ITSN2: variants seen among roughly 807,000 people sequenced by gnomAD.
The protein encoded by ITSN2 is intersectin-2.
In ITSN2, 156 loss-of-function variants were observed where a neutral mutation model predicts 243.7. The ratio of observed to expected loss-of-function variants is 0.64; its 90% CI spans 0.56 to 0.73. The LOEUF is 0.73. Ranked by LOEUF, ITSN2 falls within the 30% of genes least tolerant of loss-of-function variation. ITSN2 has a pLI of 0.00. For missense variants in ITSN2, 1,801 were observed against 1,996.1 expected (o/e 0.90, Z 1.86); for synonymous variants, 703 against 699.9 (o/e 1.00, Z -0.07).
intron 29 of ITSN2, among the ~76,000 whole-genome samples, chr2:24,232,490 C>T (rs1257144052): frequency 2.0e-5 from 3 of 152,190 alleles, no homozygotes; most frequent in Admixed American, 2.0e-4. Context: ...TACCTTCTAA[C>T]CTGCCAGACT....
At chr2:24,220,895 C>A (rs1462590849) in intron 30 of ITSN2, 50 bp downstream of exon 30, 12 of 1,546,812 alleles carry the variant, frequency 7.8e-6, no homozygotes, top group Non-Finnish European at 1.0e-5. Context: ...CACCATCTCT[C>A]ATGAGAGACA....
chr2:24,267,717 G>A lies in ITSN2; in HGVS notation c.2355+2954C>T, dbSNP rs563668706. Among the ~76,000 whole-genome samples the A allele has an allele frequency of 4.6e-5, 7 of 152,202 alleles. No individual in the cohort carries two copies. In the East Asian group the frequency reaches 7.7e-4, roughly 17 times the overall value. ...CTACAGGTGCACACCACCAAGCCCC[G>A]CTAATTTTTTTTTACTTTTTGTAGA... On this transcript the variant is annotated intron_variant, in intron 20 of 39. Transcript: ENST00000355123.
At chr2:24,343,989 T>C (rs1356249011) in intron 1 of ITSN2, among the ~76,000 whole-genome samples, 2 of 152,144 alleles carry the variant, frequency 1.3e-5, no homozygotes, top group Non-Finnish European at 2.9e-5. Context: ...CAGTTAACAG[T>C]TTGGTATTTG....
intron 8 of ITSN2, among the ~76,000 whole-genome samples, chr2:24,304,703 C>T (rs1310879206): frequency 2.0e-5 from 3 of 151,758 alleles, no homozygotes; most frequent in Non-Finnish European, 2.9e-5. Flanking sequence ...GCTTTTGGAC[C>T]GAAAAAAGAT....
chr2:24,294,243 T>C (rs1158408205), intron 14 of ITSN2, among the ~76,000 whole-genome samples: 5 of 152,152 alleles, frequency 3.3e-5, no homozygotes, highest in South Asian at 2.1e-4. Context: ...CTGGTCAACA[T>C]GGTGAAACCC....
intron 2 of ITSN2, 30 bp downstream of exon 2, chr2:24,328,022 T>C: frequency 6.3e-7 from 1 of 1,594,980 alleles, no homozygotes; most frequent in Non-Finnish European, 8.6e-7. Flanking sequence ...ATCCATAACC[T>C]CATCTTGCCA....
chr2:24,322,225 T>C (rs940707280), intron 2 of ITSN2, among the ~76,000 whole-genome samples: 2 of 152,206 alleles, frequency 1.3e-5, no homozygotes, highest in African/African-American at 4.8e-5. Flanking sequence ...GAGCTTTACA[T>C]GTATTGCTTC....
Position 24,203,646 on chromosome 2 carries a change from C to T in ITSN2, c.5074G>A (p.Glu1692Lys), listed in dbSNP as rs759191902. Residue 1692 changes from glutamate to lysine, a missense_variant, in exon 40 of 40, where the codon GAG becomes AAG. Physicochemically the swap from Glu to Lys is moderately conservative, Grantham distance 56 (BLOSUM62 1). This residue lies in a region of ITSN2 where 928 missense variants were observed against 1,065.4 expected (regional missense o/e 0.87). Transcript: ENST00000355123. ...AACCCCTACAGGAGAGTTTTTTGCT[C>T]AAAAAGCTGCAGGTCAAAACGGACC... is the stretch of plus-strand genomic sequence containing the variant. Reference protein sequence around the residue: ...VWVRFDLQLFEQKTLL With the variant: ...VWVRFDLQLFKQKTLL 3 of 1,612,790 alleles carry T rather than the reference C, an allele frequency of 1.9e-6. No homozygotes were observed. Among genetic ancestry groups the T allele is most frequent in the South Asian group, 2.2e-5 (2 of 90,964 alleles).
chr2:24,334,547 TAAG>T lies in ITSN2; in HGVS notation c.-33-6435_-33-6433del. On this transcript the variant is annotated intron_variant, in intron 1 of 39. Transcript: ENST00000355123. ...TTCCTAAAACCCGCAGGACTTTCTG[TAAG>T]AAGTGTGGCAAGCACCAACCCTGCA... 7 of 876,404 alleles carry T rather than the reference TAAG, an allele frequency of 8.0e-6. No homozygotes were observed. In the Middle Eastern group the frequency reaches 1.1e-3, roughly 134 times the overall value. The allele number at this position is 876,404 out of a possible 1,614,324, so 54.3% of individuals were successfully genotyped here. A position where few individuals can be genotyped will look rare whatever the true frequency, so the allele number is the denominator to read the frequency against.
rs1325899541 is a variant in ITSN2, at chr2:24,248,695, A to G, written c.3222T>C (p.Leu1074=). 1.2e-6 allele frequency: 2 copies of G among 1,613,162 alleles called. No individual in the cohort carries two copies. Among genetic ancestry groups the G allele is most frequent in the South Asian group, 2.2e-5 (2 of 91,004 alleles). Residue 1074 remains leucine, a synonymous_variant, in exon 27 of 40, where the codon CTT becomes CTC. Coordinates refer to ENST00000355123, the MANE Select transcript of ITSN2 (RefSeq NM_006277.3). ...GAATTAATATTAACTGTCCTGGTGC[A>G]AGGCTAAGTTGTTCAGAACCAGAAG... The part of the protein sequence containing the change: ...YVASGSEQLS[L]APGQLILILK...
Position 24,298,776 on chromosome 2 carries a change from T to C in ITSN2, c.1383A>G (p.Glu461=). Residue 461 remains glutamate, a synonymous_variant, in exon 13 of 40, where the codon GAA becomes GAG. Transcript: ENST00000355123. ...KQELERQRRL[E]WERIRRQELL... is the part of the protein sequence containing the mutation. ...GCTCCTGTCGCCGAATTCTCTCCCA[T>C]TCTAAGCGACGTTGTCGTTCAAGTT... 11 of 1,610,894 alleles carry C rather than the reference T, an allele frequency of 6.8e-6. No individual in the cohort carries two copies. The highest frequency in any genetic ancestry group is 1.1e-5 in the South Asian group (1 of 90,076).
chr2:24,334,306 G>A (rs933646046), intron 1 of ITSN2, among the ~76,000 whole-genome samples: 30 of 152,200 alleles, frequency 2.0e-4, no homozygotes, highest in African/African-American at 6.3e-4. Flanking sequence ...TGATCCGCCC[G>A]CCTCGGCTTC....
chr2:24,232,676 A>G (rs1406408490), intron 29 of ITSN2, among the ~76,000 whole-genome samples: 1 of 152,258 alleles, frequency 6.6e-6, no homozygotes, highest in Non-Finnish European at 1.5e-5. Context: ...ATAACTGATA[A>G]CAGCTCTGAC....
At chr2:24,307,330 C>A (rs1682683133) in intron 8 of ITSN2, among the ~76,000 whole-genome samples, 1 of 151,018 alleles carries the variant, frequency 6.6e-6, no homozygotes, top group South Asian at 2.1e-4. Context: ...AGCACACATC[C>A]TAATTTTAGA....
chr2:24,327,198 G>T (rs1685241244), intron 2 of ITSN2, among the ~76,000 whole-genome samples: 1 of 152,044 alleles, frequency 6.6e-6, no homozygotes, highest in Admixed American at 6.6e-5. Flanking sequence ...CCTACTAAGG[G>T]TAGTTAATTA....
At chr2:24,218,058 C>T (rs1670132987) in intron 30 of ITSN2, 45 bp from the exon 31 acceptor site, 2 of 1,279,824 alleles carry the variant, frequency 1.6e-6, no homozygotes, top group South Asian at 1.2e-5. Context: ...AGTGTGGATA[C>T]ACAGCCTACG....
intron 2 of ITSN2, among the ~76,000 whole-genome samples, chr2:24,316,868 A>G (rs1450455002): frequency 6.6e-6 from 1 of 152,218 alleles, no homozygotes; most frequent in Non-Finnish European, 1.5e-5. Context: ...CGGAGCCTCT[A>G]GCAAAAGGAA....
chr2:24,283,516 G>GCGC (rs1427723526), intron 17 of ITSN2, among the ~76,000 whole-genome samples: 1 of 152,230 alleles, frequency 6.6e-6, no homozygotes, highest in East Asian at 1.9e-4. Context: ...GTGAGCCACT[G>GCGC]CGCCTGGCCA....
At chr2:24,284,699 T>C (rs1679239571) in intron 17 of ITSN2, 64 bp downstream of exon 17, 10 of 914,798 alleles carry the variant, frequency 1.1e-5, no homozygotes, top group Admixed American at 3.8e-5. Flanking sequence ...AAGAATAGTC[T>C]AGTTTTAAAA....
Sources: gnomAD v4.1 joint callset for allele counts (sites outside exome capture counted in the v4.1 genomes callset) on GRCh38, gnomAD v4.1.1 for gene constraint, gnomAD v4.1.1 regional missense constraint, MANE v1.5 for transcripts, NCBI Gene and HGNC (gene_info 2026-07-23, HGNC 2026-07-21) for gene names.